ACSL1: variants seen among roughly 807,000 people sequenced by gnomAD.
The protein encoded by ACSL1 is acyl-CoA synthetase long chain family member 1.
ACSL1 carries 41 observed loss-of-function variants against 98.4 expected under a neutral mutation model. That is an observed-to-expected ratio of 0.42 (90% CI 0.32 to 0.54). ACSL1 has a LOEUF of 0.54. Ranked by LOEUF, ACSL1 falls within the 20% of genes least tolerant of loss-of-function variation. ACSL1 has a pLI of 0.13. For synonymous variants in ACSL1, 316 were observed against 322.7 expected (o/e 0.98, Z 0.22); for missense variants, 734 against 883.1 (o/e 0.83, Z 2.14).
At chr4:184,817,590 T>C (rs1365981287) in intron 1 of ACSL1, among the ~76,000 whole-genome samples, 1 of 152,074 alleles carries the variant, frequency 6.6e-6, no homozygotes, top group African/African-American at 2.4e-5. Context: ...TGGGCAACAA[T>C]GCATGAAACT....
Position 184,825,498 on chromosome 4 carries a change from G to C in ACSL1, c.-33+418C>G, listed in dbSNP as rs921833924. Reference sequence around the variant, plus strand: ...GAACGCCCGCGAGCCCGGCCTCTGGGCAGGCGGGGGCCGCGGACGAGGGCA... The same window carrying C: ...GAACGCCCGCGAGCCCGGCCTCTGGCCAGGCGGGGGCCGCGGACGAGGGCA... On this transcript the variant is annotated intron_variant, in intron 1 of 20. Transcript: ENST00000281455. This position sits in a 1 kb window ranked among gnomAD's most constrained non-coding sequence, Gnocchi z 4.7. Among the ~76,000 whole-genome samples the C allele has an allele frequency of 6.6e-6, 1 of 151,858 alleles. No homozygotes were observed. The highest frequency in any genetic ancestry group is 6.6e-5 in the Admixed American group (1 of 15,260).
At chr4:184,785,606 CGGGGGGGGGGGG>C (rs796880571) in intron 3 of ACSL1, among the ~76,000 whole-genome samples, 2 of 6,414 alleles carry the variant, frequency 3.1e-4, no homozygotes, top group African/African-American at 7.0e-4. Flanking sequence ...TGGGCGGGGG[CGGGGGGGGGGGG>C]GGGAAGGAAG....
intron 1 of ACSL1, among the ~76,000 whole-genome samples, chr4:184,815,304 G>A (rs576667047): frequency 6.6e-6 from 1 of 152,308 alleles, no homozygotes; most frequent in African/African-American, 2.4e-5. Context: ...AGGAGCGGCA[G>A]GTGGGCTGGG....
At chr4:184,768,598 G>A in intron 11 of ACSL1, 148 bp from the exon 12 acceptor site, 1 of 1,145,870 alleles carries the variant, frequency 8.7e-7, no homozygotes, top group East Asian at 2.7e-5. Context: ...TAAAAAAAAT[G>A]TGCATTTACT....
At chr4:184,787,498 G>A (rs1425773070) in intron 3 of ACSL1, among the ~76,000 whole-genome samples, 1 of 152,198 alleles carries the variant, frequency 6.6e-6, no homozygotes, top group Non-Finnish European at 1.5e-5. Flanking sequence ...GTGAAATGCA[G>A]TGAGTTTTGT....
Position 184,763,199 on chromosome 4 carries a change from T to C in ACSL1, c.1489A>G (p.Met497Val), listed in dbSNP as rs1763103458. Residue 497 changes from methionine (M) to valine (V), a missense_variant, in exon 16 of 21, where the codon ATG (methionine) becomes GTG (valine). Physicochemically the swap from Met to Val is conservative, Grantham distance 21. Coordinates refer to ENST00000281455, the MANE Select transcript of ACSL1 (RefSeq NM_001995.5). ...TCGCCCTCGGCAGCCATGTAATTCA[T>C]TTCTTCCACATCAACAAGTTTTATC... ...NLIKLVDVEEMNYMAAEGEGE... is the reference protein window; with the variant it reads ...NLIKLVDVEEVNYMAAEGEGE... The C allele has an allele frequency of 4.3e-6, 7 of 1,613,994 alleles. No homozygotes were observed. In the African/African-American group the frequency reaches 6.7e-5, roughly 15 times the overall value.
Position 184,773,054 on chromosome 4 carries a change from A to G in ACSL1, c.915+27T>C, listed in dbSNP as rs1318495913. On this transcript the variant is annotated intron_variant, in intron 10 of 20. Transcript: ENST00000281455. The surrounding 1 kb of genome is among the most constrained non-coding windows in gnomAD (Gnocchi z 4.3). ...CAAGGACTAATGTCAATCAATGAGG[A>G]AAGATGACGACATCCCAAAAAGTTA... The G allele has an allele frequency of 7.5e-6, 12 of 1,602,324 alleles. No homozygotes were observed. Among genetic ancestry groups the G allele is most frequent in the Admixed American group, 1.7e-5 (1 of 59,938 alleles).
intron 5 of ACSL1, among the ~76,000 whole-genome samples, chr4:184,778,164 G>GA (rs1262413524): frequency 2.6e-5 from 4 of 152,212 alleles, no homozygotes; most frequent in African/African-American, 9.7e-5. Flanking sequence ...GGACAAAGGT[G>GA]AAAGATCACT....
chr4:184,807,642 G>A (rs967342690), intron 1 of ACSL1, among the ~76,000 whole-genome samples: 5 of 152,162 alleles, frequency 3.3e-5, no homozygotes, highest in East Asian at 1.9e-4. Flanking sequence ...TGAACTGCAC[G>A]GACTGTCAGA....
chr4:184,757,320 A>C lies in ACSL1; in HGVS notation c.1957-55T>G. 1.9e-6 allele frequency: 3 copies of C among 1,553,248 alleles called. No individual in the cohort carries two copies. Among genetic ancestry groups the C allele is most frequent in the Middle Eastern group, 2.4e-4 (1 of 4,188 alleles). ...AAAAAGGACACGGGCCACCAGTCTC[A>C]AAAGCACGTAAGCCTTGGAGGGGAT... On this transcript the variant is annotated intron_variant, in intron 20 of 20. Transcript: ENST00000281455. This position sits in a 1 kb window ranked among gnomAD's most constrained non-coding sequence, Gnocchi z 4.5.
At chr4:184,811,050 A>G (rs540185792) in intron 1 of ACSL1, among the ~76,000 whole-genome samples, 1 of 152,322 alleles carries the variant, frequency 6.6e-6, no homozygotes, top group African/African-American at 2.4e-5. Context: ...TGGGTGTTCA[A>G]GTCTAAACAG....
Position 184,766,808 on chromosome 4 carries a change from TC to T in ACSL1, c.1129-53del, listed in dbSNP as rs768041770. 4.5e-6 allele frequency: 7 copies of T among 1,565,482 alleles called. No individual in the cohort carries two copies. In the African/African-American group the frequency reaches 9.5e-5, roughly 21 times the overall value. ...TTCACACCTACTAGGATGGCCAGAG[TC>T]AAAGAGTGTGGAGAAATCAGAACCC... On this transcript the variant is annotated intron_variant, in intron 12 of 20. Coordinates refer to ENST00000281455, the MANE Select transcript of ACSL1 (RefSeq NM_001995.5). This position sits in a 1 kb window ranked among gnomAD's most constrained non-coding sequence, Gnocchi z 4.8.
intron 15 of ACSL1, among the ~76,000 whole-genome samples, chr4:184,764,276 T>C (rs781406901): frequency 6.6e-6 from 1 of 152,190 alleles, no homozygotes; most frequent in Non-Finnish European, 1.5e-5. Context: ...TACCAGAACT[T>C]ATCTCACAGG....
rs1241123112 is a variant in ACSL1, at chr4:184,825,819, G to A, written c.-33+97C>T. 1 of 149,232 alleles carries A rather than the reference G, an allele frequency of 6.7e-6. No individual in the cohort carries two copies. Among genetic ancestry groups the A allele is most frequent in the African/African-American group, 2.4e-5 (1 of 41,152 alleles). 9.2% of individuals were successfully genotyped at this position (149,232 alleles called of 1,614,324 possible). A position where few individuals can be genotyped will look rare whatever the true frequency, so the allele number is the denominator to read the frequency against. ...GCGCCTCCGCGGCGGCCGCTGCTCCGGGCTCGGCCCTGAAGGGCAACGTCA... is the reference window on the plus strand; with the variant it reads ...GCGCCTCCGCGGCGGCCGCTGCTCCAGGCTCGGCCCTGAAGGGCAACGTCA... On this transcript the variant is annotated intron_variant, in intron 1 of 20. Transcript: ENST00000281455. The surrounding 1 kb of genome is among the most constrained non-coding windows in gnomAD (Gnocchi z 4.7).
rs749820264 is a variant in ACSL1 at position 184,776,884 on chromosome 4, C to T, written c.577G>A (p.Ala193Thr). ...NEAITYIVNK[A>T]ELSLVFVDKP... The stretch of plus-strand genomic sequence containing the variant: ...ATCCAGGCAAAGATCACAGACGTAC[C>T]TTTGTTGACTATGTACGTGATGGCT... The change falls in exon 6 of 21, where the codon GCT (alanine) becomes ACT (threonine). Residue 193 changes from alanine (A) to threonine (T), a missense_variant and splice_region_variant. Ala to Thr is a moderately conservative substitution (Grantham distance 58, BLOSUM62 0). Coordinates refer to ENST00000281455, the MANE Select transcript of ACSL1 (RefSeq NM_001995.5). 6.2e-7 allele frequency: 1 copy of T among 1,613,528 alleles called. No homozygotes were observed. The highest frequency in any genetic ancestry group is 1.1e-5 in the South Asian group (1 of 91,056).
At chr4:184,759,797 C>T (rs1762613717) in intron 18 of ACSL1, among the ~76,000 whole-genome samples, 1 of 152,182 alleles carries the variant, frequency 6.6e-6, no homozygotes, top group Non-Finnish European at 1.5e-5. Context: ...GGATCTAGAA[C>T]TAGAAATACC....
At chr4:184,815,492 G>T (rs1019858171) in intron 1 of ACSL1, among the ~76,000 whole-genome samples, 3 of 152,220 alleles carry the variant, frequency 2.0e-5, no homozygotes, top group African/African-American at 4.8e-5. Context: ...CCAGGCCTGG[G>T]GGGGGAAACT....
chr4:184,762,377 T>C (rs1579833209), intron 17 of ACSL1, 30 bp downstream of exon 17: 2 of 1,556,842 alleles, frequency 1.3e-6, no homozygotes, highest in East Asian at 4.5e-5. Flanking sequence ...GGAACTGAAC[T>C]GTTTGTGACC....
chr4:184,791,741 G>T (rs1768407919), intron 2 of ACSL1, among the ~76,000 whole-genome samples: 1 of 152,218 alleles, frequency 6.6e-6, no homozygotes, highest in Non-Finnish European at 1.5e-5. Context: ...GGCAGTGGGA[G>T]TTGGGAGCCG....
Sources: allele counts gnomAD v4.1 joint callset (sites outside exome capture counted in the v4.1 genomes callset), GRCh38; gene constraint gnomAD v4.1.1; non-coding constraint Gnocchi (gnomAD v3.1); transcripts MANE v1.5; gene names NCBI Gene and HGNC (gene_info 2026-07-23, HGNC 2026-07-21).